Variants in FSHB observed in about 807,000 individuals in gnomAD.
The protein encoded by FSHB is follitropin subunit beta.
In FSHB, 8 loss-of-function variants were observed where a neutral mutation model predicts 12.1. The ratio of observed to expected loss-of-function variants is 0.66; its 90% CI spans 0.39 to 1.19. The LOEUF (loss-of-function observed/expected upper bound fraction) is 1.19. Among genes scored for constraint, FSHB ranks in the 50% most tolerant of loss-of-function variants. FSHB has a pLI of 0.01. For missense variants in FSHB, 153 were observed against 157.2 expected (o/e 0.97, Z 0.14); for synonymous variants, 55 against 54.6 (o/e 1.01, Z -0.04).
At position 30,231,870 on chromosome 11, in the gene FSHB, T is replaced by C. The variant is rs200363092; in HGVS notation, c.-33T>C. ...TATCGTTCTTTGGTTTCTCAGTTTCTAGTGGGCTTCATTGTTTGCTTCCCA... is the reference window on the plus strand; with the variant it reads ...TATCGTTCTTTGGTTTCTCAGTTTCCAGTGGGCTTCATTGTTTGCTTCCCA... On this transcript the variant is annotated 5_prime_UTR_variant, in exon 2 of 3. Coordinates refer to ENST00000533718, the MANE Select transcript of FSHB (RefSeq NM_001382289.1). 8.4e-4 allele frequency: 1,359 copies of C among 1,612,968 alleles called. 4 individuals are homozygous for C. The highest frequency in any genetic ancestry group is 1.1e-3 in the Non-Finnish European group (1,255 of 1,179,130).
In FSHB at chr11:30,233,768, A is replaced by G. The variant is rs748198778; in HGVS notation, c.358A>G (p.Ser120Gly). The G allele has an allele frequency of 1.9e-6, 3 of 1,614,012 alleles. No homozygotes were observed. The highest frequency in any genetic ancestry group is 2.5e-6 in the Non-Finnish European group (3 of 1,179,910). Residue 120 changes from serine to glycine, a missense_variant, in exon 3 of 3, where the codon AGC becomes GGC. Physicochemically the swap from Ser to Gly is moderately conservative, Grantham distance 56 (BLOSUM62 0). Coordinates refer to ENST00000533718, the MANE Select transcript of FSHB (RefSeq NM_001382289.1). The stretch of plus-strand genomic sequence containing the variant: ...TTGTACTGTGCGAGGCCTGGGGCCC[A>G]GCTACTGCTCCTTTGGTGAAATGAA... ...TDCTVRGLGPSYCSFGEMKE is the reference protein window; with the variant it reads ...TDCTVRGLGPGYCSFGEMKE
Position 30,231,983 on chromosome 11 carries a change from C to T in FSHB, c.81C>T (p.Thr27=). ...CCNSCELTNI[T]IAIEKEECRF... ...ATAGCTGTGAGCTGACCAACATCACCATTGCAATAGAGAAAGAAGAATGTC... is the reference window on the plus strand; with the variant it reads ...ATAGCTGTGAGCTGACCAACATCACTATTGCAATAGAGAAAGAAGAATGTC... Residue 27 remains threonine, a synonymous_variant, in exon 2 of 3, where the codon ACC becomes ACT. Coordinates refer to ENST00000533718, the MANE Select transcript of FSHB (RefSeq NM_001382289.1). 1.2e-6 allele frequency: 2 copies of T among 1,613,864 alleles called. No individual in the cohort carries two copies. The highest frequency in any genetic ancestry group is 1.1e-5 in the South Asian group (1 of 91,070).
chr11:30,231,571 A>G (rs928600036), intron 1 of FSHB, among the ~76,000 whole-genome samples: 4 of 152,232 alleles, frequency 2.6e-5, no homozygotes, highest in African/African-American at 9.6e-5. Context: ...AAATATGATG[A>G]TCACAATTAT....
chr11:30,232,983 C>A (rs1303124590), intron 2 of FSHB, among the ~76,000 whole-genome samples: 8 of 152,030 alleles, frequency 5.3e-5, no homozygotes, highest in African/African-American at 1.7e-4. Context: ...TAATTTCTAC[C>A]TGGATTAAAA....
chr11:30,231,512 T>C (rs138998395), intron 1 of FSHB, among the ~76,000 whole-genome samples: 110 of 152,248 alleles, frequency 7.2e-4, no homozygotes, highest in African/African-American at 2.5e-3. Flanking sequence ...AAAAGAATTT[T>C]ATTTTTCTTT....
At position 30,233,906 on chromosome 11, in the gene FSHB, G is replaced by T; in HGVS notation, c.*106G>T. ...CCAGGGGACAAACCACTGGATCAGG[G>T]GATTCAGACTCTACTGATCCCTGGT... On this transcript the variant is annotated 3_prime_UTR_variant, in exon 3 of 3. Coordinates refer to ENST00000533718, the MANE Select transcript of FSHB (RefSeq NM_001382289.1). 1.1e-6 allele frequency: 1 copy of T among 894,662 alleles called. No homozygotes were observed. 55.4% of individuals were successfully genotyped at this position (894,662 alleles called of 1,614,324 possible).
At chr11:30,231,833 T>C in intron 1 of FSHB, 33 bp from the exon 2 acceptor site, 4 of 1,574,324 alleles carry the variant, frequency 2.5e-6, no homozygotes, top group Non-Finnish European at 3.5e-6. Flanking sequence ...TTTGGTCAGC[T>C]TACATAATGA....
At position 30,233,917 on chromosome 11, in the gene FSHB, C is replaced by G. The variant is rs1216243609; in HGVS notation, c.*117C>G. The G allele has an allele frequency of 2.7e-5, 22 of 817,070 alleles. No individual in the cohort carries two copies. The highest frequency in any genetic ancestry group is 4.5e-5 in the Non-Finnish European group (22 of 491,880). 50.6% of individuals were successfully genotyped at this position (817,070 alleles called of 1,614,324 possible). A position where few individuals can be genotyped will look rare whatever the true frequency, so the allele number is the denominator to read the frequency against. On this transcript the variant is annotated 3_prime_UTR_variant, in exon 3 of 3. Transcript: ENST00000533718. ...ACCACTGGATCAGGGGATTCAGACT[C>G]TACTGATCCCTGGTCTACTGGCAGA...
Sources: gnomAD v4.1 joint callset for allele counts (sites outside exome capture counted in the v4.1 genomes callset) on GRCh38, gnomAD v4.1.1 for gene constraint, MANE v1.5 for transcripts, NCBI Gene and HGNC (gene_info 2026-07-23, HGNC 2026-07-21) for gene names.